RFX6: variants seen among roughly 807,000 people sequenced by gnomAD.
RFX6 encodes regulatory factor X6.
A neutral mutation model predicts 110.8 loss-of-function variants in RFX6; 50 were observed. That is an observed-to-expected ratio of 0.45 (90% CI 0.36 to 0.57). RFX6 has a LOEUF of 0.57. Among genes scored for constraint, RFX6 ranks in the 20% least tolerant of loss-of-function variants. RFX6 has a pLI of 0.00. For missense variants in RFX6, 990 were observed against 1,127.0 expected (o/e 0.88, Z 1.74); for synonymous variants, 383 against 411.2 (o/e 0.93, Z 0.83).
chr6:116,927,317 C>G lies in RFX6; in HGVS notation c.2176C>G (p.Arg726Gly), dbSNP rs144648002. 8.3e-4 allele frequency: 1,337 copies of G among 1,614,152 alleles called. 8 individuals are homozygous for G. The African/African-American group carries it at 0.015, about 18-fold the overall frequency. The change falls in exon 17 of 19, where the codon CGA becomes GGA. Residue 726 changes from arginine to glycine, a missense_variant. Arg to Gly is a moderately radical substitution (Grantham distance 125). Coordinates refer to ENST00000332958, the MANE Select transcript of RFX6 (RefSeq NM_173560.4). ...CTATCCTCATCACACCGAGCATGGTCGATGCATGGCTTGGACTGAACAGCA... is the reference window on the plus strand; with the variant it reads ...CTATCCTCATCACACCGAGCATGGTGGATGCATGGCTTGGACTGAACAGCA... The part of the protein sequence containing the change: ...GLYPHHTEHG[R>G]CMAWTEQQLS...
chr6:116,928,667 T>G (rs1345256999), intron 17 of RFX6, 92 bp from the exon 18 acceptor site: 1 of 828,190 alleles, frequency 1.2e-6, no homozygotes. Flanking sequence ...TTGATATCTT[T>G]AGGACGTCAC....
At chr6:116,919,009 G>A in intron 10 of RFX6, 128 bp from the exon 11 acceptor site, 2 of 812,768 alleles carry the variant, frequency 2.5e-6, no homozygotes, top group Non-Finnish European at 4.1e-6. Context: ...ATAAATGGCA[G>A]ATCTAGGCTG....
chr6:116,930,603 C>A (rs936962408), intron 18 of RFX6, among the ~76,000 whole-genome samples: 1 of 151,992 alleles, frequency 6.6e-6, no homozygotes, highest in Non-Finnish European at 1.5e-5. Flanking sequence ...GAAAGGAATC[C>A]TGAGGCAGAA....
chr6:116,923,344 G>T, intron 14 of RFX6, 120 bp downstream of exon 14: 2 of 725,810 alleles, frequency 2.8e-6, no homozygotes, highest in Non-Finnish European at 5.1e-6. Flanking sequence ...ATCTGAATAT[G>T]GAGCTATGAG....
At chr6:116,899,378 G>T (rs946266050) in intron 6 of RFX6, among the ~76,000 whole-genome samples, 1 of 152,142 alleles carries the variant, frequency 6.6e-6, no homozygotes, top group African/African-American at 2.4e-5. Flanking sequence ...GGAAGTAATA[G>T]TTAAGAGAAA....
intron 18 of RFX6, among the ~76,000 whole-genome samples, chr6:116,930,236 G>A (rs769304137): frequency 2.0e-5 from 3 of 152,118 alleles, no homozygotes; most frequent in Non-Finnish European, 2.9e-5. Context: ...AGTAGTGCAA[G>A]GAGAATTGAG....
At chr6:116,909,690 A>AAAAATG (rs1775289375) in intron 6 of RFX6, among the ~76,000 whole-genome samples, 1 of 149,798 alleles carries the variant, frequency 6.7e-6, no homozygotes, top group African/African-American at 2.4e-5. Context: ...CATAATTTTT[A>AAAAATG]AAAATGAATT....
In RFX6 at chr6:116,927,148, C is replaced by A; in HGVS notation, c.2007C>A (p.Gly669=). Residue 669 remains glycine (G), a synonymous_variant, in exon 17 of 19, where the codon GGC becomes GGA. Transcript: ENST00000332958. ...GPMAGRPPSV[G]PVLSAPSHCS... is the part of the protein sequence containing the mutation. ...TGGCAGGGAGGCCCCCAAGTGTGGG[C>A]CCAGTACTGTCAGCTCCATCACACT... 1 of 1,614,140 alleles carries A rather than the reference C, an allele frequency of 6.2e-7. No homozygotes were observed. Among genetic ancestry groups the A allele is most frequent in the Non-Finnish European group, 8.5e-7 (1 of 1,180,026 alleles).
rs766170707 is a variant in RFX6 at position 116,931,525 on chromosome 6, G to C, written c.*19G>C. The C allele has an allele frequency of 6.3e-7, 1 of 1,593,818 alleles. No homozygotes were observed. Among genetic ancestry groups the C allele is most frequent in the East Asian group, 2.2e-5 (1 of 44,618 alleles). On this transcript the variant is annotated 3_prime_UTR_variant, in exon 19 of 19. Coordinates refer to ENST00000332958, the MANE Select transcript of RFX6 (RefSeq NM_173560.4). ...CACTTAAACCACCAATGTGGGAGGG[G>C]GTGCTAAAACTTTAAAAAAAATCTC... is the stretch of plus-strand genomic sequence containing the variant.
At position 116,923,155 on chromosome 6, in the gene RFX6, CT is replaced by C. The variant is rs1775638279; in HGVS notation, c.1487del (p.Leu496ArgfsTer2). 6.2e-7 allele frequency: 1 copy of C among 1,610,258 alleles called. No homozygotes were observed. The highest frequency in any genetic ancestry group is 1.1e-5 in the South Asian group (1 of 91,000). On this transcript the variant is annotated frameshift_variant, in exon 14 of 19. Transcript: ENST00000332958. LOFTEE classifies it high-confidence loss of function. ...ATTAAAGAAGAGAGCTCAAGACTTTCTGTTAAAGTGGAGTTTTTTTGGTGCT... is the reference window on the plus strand; with the variant it reads ...ATTAAAGAAGAGAGCTCAAGACTTTCGTTAAAGTGGAGTTTTTTTGGTGCT... The part of the protein sequence containing the change: ...RSLKKRAQDF[L>X]LKWSFFGARV...
At chr6:116,929,257 C>T (rs1413274950) in intron 18 of RFX6, among the ~76,000 whole-genome samples, 1 of 152,052 alleles carries the variant, frequency 6.6e-6, no homozygotes, top group Non-Finnish European at 1.5e-5. Flanking sequence ...TTAATATGAC[C>T]TGTCAAATGC....
intron 6 of RFX6, among the ~76,000 whole-genome samples, chr6:116,904,058 G>A (rs1247711018): frequency 6.6e-6 from 1 of 151,858 alleles, no homozygotes; most frequent in Non-Finnish European, 1.5e-5. Context: ...CTTATGCTTG[G>A]TATTAAATGA....
chr6:116,894,683 C>T (rs916408506), intron 5 of RFX6, among the ~76,000 whole-genome samples: 2 of 152,066 alleles, frequency 1.3e-5, no homozygotes, highest in Non-Finnish European at 2.9e-5. Flanking sequence ...ATTTTTTAAA[C>T]TGAAACTCTG....
At chr6:116,920,048 G>C (rs530622132) in intron 11 of RFX6, among the ~76,000 whole-genome samples, 12 of 152,194 alleles carry the variant, frequency 7.9e-5, no homozygotes, top group Admixed American at 2.0e-4. Context: ...ACATCGTGCA[G>C]GTTTGTTACA....
chr6:116,911,173 A>G, intron 7 of RFX6, 131 bp downstream of exon 7: 2 of 673,428 alleles, frequency 3.0e-6, no homozygotes, highest in South Asian at 3.5e-5. Flanking sequence ...ACTGATTTAT[A>G]GGAGAGGCAA....
In RFX6 at chr6:116,895,676, ACG is replaced by A. The variant is rs1491587529; in HGVS notation, c.672+470_672+471del. Among the ~76,000 whole-genome samples, 287 of 151,252 alleles carry A rather than the reference ACG, an allele frequency of 1.9e-3. 1 individual carries two copies. Among genetic ancestry groups the A allele is most frequent in the African/African-American group, 5.8e-3 (240 of 41,176 alleles). On this transcript the variant is annotated intron_variant, in intron 6 of 18. Transcript: ENST00000332958. ...CACACACACACACACACACACACAC[ACG>A]TATACAATCTTTCTCCCTAGGCTTC...
At chr6:116,911,099 A>G (rs1027458119) in intron 7 of RFX6, 57 bp downstream of exon 7, 83 of 1,176,746 alleles carry the variant, frequency 7.1e-5, no homozygotes, top group South Asian at 4.5e-4. Context: ...CCATATGTCA[A>G]TTTGCTGGGA....
chr6:116,914,134 A>G (rs1454710814), intron 7 of RFX6, among the ~76,000 whole-genome samples: 2 of 152,068 alleles, frequency 1.3e-5, no homozygotes, highest in African/African-American at 2.4e-5. Flanking sequence ...CGCTACCTTC[A>G]TGAGATCCAC....
In RFX6 at chr6:116,923,091, G is replaced by T; in HGVS notation, c.1438-16G>T. 7.5e-7 allele frequency: 1 copy of T among 1,334,118 alleles called. No homozygotes were observed. The highest frequency in any genetic ancestry group is 1.1e-6 in the Non-Finnish European group (1 of 924,736). The allele number at this position is 1,334,118 out of a possible 1,614,324, so 82.6% of individuals were successfully genotyped here. A position where few individuals can be genotyped will look rare whatever the true frequency, so the allele number is the denominator to read the frequency against. Reference sequence around the variant, plus strand: ...AGGACGGATTTTATAGTTTCATTTTGTTCCTTTACTTTTAGACCAGCAAAC... The same window carrying T: ...AGGACGGATTTTATAGTTTCATTTTTTTCCTTTACTTTTAGACCAGCAAAC... On this transcript the variant is annotated splice_polypyrimidine_tract_variant and intron_variant, in intron 13 of 18. Coordinates refer to ENST00000332958, the MANE Select transcript of RFX6 (RefSeq NM_173560.4).
Sources: gnomAD v4.1 joint callset for allele counts (sites outside exome capture counted in the v4.1 genomes callset) on GRCh38, gnomAD v4.1.1 for gene constraint, MANE v1.5 for transcripts, NCBI Gene and HGNC (gene_info 2026-07-23, HGNC 2026-07-21) for gene names.